Variants in PRKN observed in about 807,000 individuals in gnomAD.
PRKN encodes parkin RBR E3 ubiquitin protein ligase, also known as E3 ubiquitin-protein ligase parkin.
Under a neutral mutation model 59.5 loss-of-function variants are expected in PRKN, and 56 were observed. The observed-to-expected ratio is 0.94, with a 90% CI of 0.76 to 1.18. PRKN has a LOEUF of 1.18. Ranked by LOEUF, PRKN falls within the 50% of genes most tolerant of loss-of-function variation. The probability of loss-of-function intolerance (pLI) is 0.00; values close to 1 mark genes in which losing one functional copy is unlikely to be tolerated. For synonymous variants in PRKN, 250 were observed against 222.1 expected, an observed-to-expected ratio of 1.13 and a Z score of -1.12; for missense variants, 657 against 596.4, an observed-to-expected ratio of 1.10 and a Z score of -1.06.
Position 161,386,688 on chromosome 6 carries a change from C to T in PRKN, c.1167+106G>A. 1.1e-6 allele frequency: 1 copy of T among 899,634 alleles called. No individual in the cohort carries two copies. Among genetic ancestry groups the T allele is most frequent in the East Asian group, 2.4e-5 (1 of 41,556 alleles). 55.7% of individuals were successfully genotyped at this position (899,634 alleles called of 1,614,324 possible). ...CCCATGGCTGTCAGCTACCAGTCTG[C>T]TTCTTGCTTTTTTAGAATGGAACTC... On this transcript the variant is annotated intron_variant, in intron 10 of 11. Coordinates refer to ENST00000366898, the MANE Select transcript of PRKN (RefSeq NM_004562.3). This position sits in a 1 kb window ranked among gnomAD's most constrained non-coding sequence, Gnocchi z 4.3.
At chr6:162,605,855 T>A (rs1174793029) in intron 1 of PRKN, among the ~76,000 whole-genome samples, 1 of 152,108 alleles carries the variant, frequency 6.6e-6, no homozygotes, top group South Asian at 2.1e-4. Flanking sequence ...AGACAAAAAT[T>A]TGCCAATGGC....
intron 3 of PRKN, among the ~76,000 whole-genome samples, chr6:162,221,945 T>C (rs956373618): frequency 2.6e-5 from 4 of 152,194 alleles, no homozygotes; most frequent in Non-Finnish European, 4.4e-5. Flanking sequence ...TCATACATAA[T>C]CTTATCTAAC....
In PRKN at chr6:162,441,716, T is replaced by C. The variant is rs115730978; in HGVS notation, c.171+1594A>G. On this transcript the variant is annotated intron_variant, in intron 2 of 11. Transcript: ENST00000366898. ...TCTCTTTTGGATCCCCTGAGAAGCC[T>C]AGGACATTGGAAGTGCTTAAGAAGT... Among the ~76,000 whole-genome samples, 1,348 of 152,262 alleles carry C rather than the reference T, an allele frequency of 8.9e-3. 26 individuals carry two copies. Among genetic ancestry groups the C allele is most frequent in the African/African-American group, 0.031 (1,270 of 41,536 alleles).
chr6:162,504,807 T>C (rs1373483604), intron 1 of PRKN, among the ~76,000 whole-genome samples: 1 of 151,848 alleles, frequency 6.6e-6, no homozygotes, highest in East Asian at 1.9e-4. Flanking sequence ...AAGATTAGTA[T>C]CCAAAATGAG....
chr6:162,379,564 T>A (rs1786313811), intron 2 of PRKN, among the ~76,000 whole-genome samples: 1 of 152,106 alleles, frequency 6.6e-6, no homozygotes, highest in African/African-American at 2.4e-5. Flanking sequence ...TTAACTCTCC[T>A]CTCCAGTATC....
chr6:161,412,452 C>T (rs563669574), intron 9 of PRKN, among the ~76,000 whole-genome samples: 3 of 149,796 alleles, frequency 2.0e-5, no homozygotes, highest in African/African-American at 7.4e-5. Context: ...TCCACTCACT[C>T]ACTCCTTTCT....
At position 161,468,216 on chromosome 6, in the gene PRKN, G is replaced by A. The variant is rs929451562; in HGVS notation, c.1083+80638C>T. 4.6e-5 allele frequency among the ~76,000 whole-genome samples: 7 copies of A among 151,602 alleles called. No homozygotes were observed. Among genetic ancestry groups the A allele is most frequent in the African/African-American group, 1.2e-4 (5 of 41,378 alleles). On this transcript the variant is annotated intron_variant, in intron 9 of 11. Coordinates refer to ENST00000366898, the MANE Select transcript of PRKN (RefSeq NM_004562.3). This position sits in a 1 kb window ranked among gnomAD's most constrained non-coding sequence, Gnocchi z 5.9. ...TTGAACTCCTGACCTCAGGTGATCCGCCCGCCTCAACCTCCCAACGTGCTA... is the reference window on the plus strand; with the variant it reads ...TTGAACTCCTGACCTCAGGTGATCCACCCGCCTCAACCTCCCAACGTGCTA...
chr6:162,613,454 C>T (rs899585907), intron 1 of PRKN, among the ~76,000 whole-genome samples: 2 of 152,098 alleles, frequency 1.3e-5, no homozygotes, highest in African/African-American at 4.8e-5. Context: ...TAGAAAAATG[C>T]CTCTGTTGTG....
intron 6 of PRKN, among the ~76,000 whole-genome samples, chr6:161,893,573 T>A (rs987820720): frequency 3.3e-5 from 5 of 152,188 alleles, no homozygotes; most frequent in Admixed American, 1.3e-4. Flanking sequence ...TTGGGCAAGT[T>A]CTTCATCTTT....
chr6:162,227,828 G>A (rs977290764), intron 3 of PRKN, among the ~76,000 whole-genome samples: 1 of 151,998 alleles, frequency 6.6e-6, no homozygotes, highest in African/African-American at 2.4e-5. Context: ...AAACGTGCAT[G>A]CCTTCTGGAC....
chr6:162,493,682 A>G (rs1168628975), intron 1 of PRKN, among the ~76,000 whole-genome samples: 1 of 152,208 alleles, frequency 6.6e-6, no homozygotes, highest in African/African-American at 2.4e-5. Context: ...TGATAAGAAA[A>G]TAAGAATTGT....
In PRKN at chr6:161,388,464, T is replaced by C. The variant is rs1456931885; in HGVS notation, c.1084-1587A>G. Among the ~76,000 whole-genome samples the C allele has an allele frequency of 6.6e-6, 1 of 152,210 alleles. No individual in the cohort carries two copies. Among genetic ancestry groups the C allele is most frequent in the Non-Finnish European group, 1.5e-5 (1 of 68,030 alleles). On this transcript the variant is annotated intron_variant, in intron 9 of 11. Coordinates refer to ENST00000366898, the MANE Select transcript of PRKN (RefSeq NM_004562.3). This position sits in a 1 kb window ranked among gnomAD's most constrained non-coding sequence, Gnocchi z 4.3. Reference sequence around the variant, plus strand: ...AGGCAACATCTCCCACAGCAGAAACTGTATTCAGAGAAGGCATTTCAGCAG... The same window carrying C: ...AGGCAACATCTCCCACAGCAGAAACCGTATTCAGAGAAGGCATTTCAGCAG...
At chr6:162,229,757 G>A (rs997248473) in intron 3 of PRKN, among the ~76,000 whole-genome samples, 9 of 152,118 alleles carry the variant, frequency 5.9e-5, no homozygotes, top group African/African-American at 1.9e-4. Flanking sequence ...TCCAGCACTC[G>A]ACTTAGAGAA....
chr6:162,393,155 C>CTTTTTTTTTTTTTTTTTTTTTTT lies in PRKN; in HGVS notation c.171+50154_171+50155insAAAAAAAAAAAAAAAAAAAAAAA, dbSNP rs1177332315. ...TGATACTGGGTGAGGATAGGAGATT[C>CTTTTTTTTTTTTTTTTTTTTTTT]TTTTTTTTTTTTTTTTTTTTTTGAG... On this transcript the variant is annotated intron_variant, in intron 2 of 11. Transcript: ENST00000366898. Among the ~76,000 whole-genome samples, 53 of 80,158 alleles carry CTTTTTTTTTTTTTTTTTTTTTTT rather than the reference C, an allele frequency of 6.6e-4. 10 individuals carry two copies. The highest frequency in any genetic ancestry group is 3.0e-3 in the East Asian group (5 of 1,682). The allele number at this position is 80,158 out of a possible 152,430, so 52.6% of individuals were successfully genotyped here. A position where few individuals can be genotyped will look rare whatever the true frequency, so the allele number is the denominator to read the frequency against.
chr6:162,135,579 C>A (rs989392908), intron 4 of PRKN, among the ~76,000 whole-genome samples: 3 of 152,090 alleles, frequency 2.0e-5, no homozygotes, highest in African/African-American at 7.2e-5. Context: ...GAGTTGAAAT[C>A]ATCACTTCAC....
chr6:162,424,885 C>T (rs955507014), intron 2 of PRKN, among the ~76,000 whole-genome samples: 5 of 152,016 alleles, frequency 3.3e-5, no homozygotes, highest in Non-Finnish European at 7.4e-5. Context: ...CCCAGAACTG[C>T]TGCTCTAAAA....
At chr6:162,630,816 A>G (rs1783084185) in intron 1 of PRKN, among the ~76,000 whole-genome samples, 1 of 152,158 alleles carries the variant, frequency 6.6e-6, no homozygotes, top group African/African-American at 2.4e-5. Context: ...CAGGTTCCCA[A>G]GTTGATGATG....
At chr6:161,679,683 C>A (rs867143343) in intron 7 of PRKN, among the ~76,000 whole-genome samples, 1 of 128,736 alleles carries the variant, frequency 7.8e-6, no homozygotes, top group Admixed American at 7.6e-5. Context: ...CACCCCCCCC[C>A]CTTTTTTTTT....
chr6:162,052,753 T>C (rs1186276926), intron 5 of PRKN, among the ~76,000 whole-genome samples: 1 of 151,500 alleles, frequency 6.6e-6, no homozygotes, highest in Non-Finnish European at 1.5e-5. Context: ...ATGTATACCA[T>C]ATACATACAT....
Sources: allele counts gnomAD v4.1 joint callset (sites outside exome capture counted in the v4.1 genomes callset), GRCh38; gene constraint gnomAD v4.1.1; non-coding constraint Gnocchi (gnomAD v3.1); transcripts MANE v1.5; gene names NCBI Gene and HGNC (gene_info 2026-07-23, HGNC 2026-07-21).